The following JCAD variants were observed in gnomAD, a reference collection of about 807,000 sequenced individuals.
The protein encoded by JCAD is junctional cadherin 5 associated.
JCAD carries 40 observed loss-of-function variants against 98.0 expected under a neutral mutation model. That is an observed-to-expected ratio of 0.41 (90% confidence interval 0.32 to 0.53). JCAD has a LOEUF of 0.53. Ranked by LOEUF, JCAD falls within the 20% of genes least tolerant of loss-of-function variation. The probability of loss-of-function intolerance (pLI) is 0.31; values close to 1 mark genes in which losing one functional copy is unlikely to be tolerated. For missense variants in JCAD, 1,705 were observed against 1,738.1 expected (o/e 0.98, Z 0.34); for synonymous variants, 691 against 682.3 (o/e 1.01, Z -0.20).
rs760026339 is a variant in JCAD, at chr10:30,028,628, T to C, written c.1520A>G (p.Asp507Gly). ...GTTGGGGAGGCCACTGTTTTCCCCA[T>C]CCCCGGGGGGCTGGCCCCACAGCCA... The part of the protein sequence containing the change: ...PRWLWGQPPG[D>G]GENSGLPNQR... Residue 507 changes from aspartate to glycine, a missense_variant, in exon 3 of 4, where the codon GAT (aspartate) becomes GGT (glycine). By Grantham distance (94) the Asp-to-Gly change is moderately conservative. Transcript: ENST00000375377. 1.2e-6 allele frequency: 2 copies of C among 1,610,400 alleles called. No individual in the cohort carries two copies. The highest frequency in any genetic ancestry group is 4.5e-5 in the East Asian group (2 of 44,828).
At chr10:30,040,858 C>G (rs1837231003) in intron 2 of JCAD, among the ~76,000 whole-genome samples, 1 of 152,112 alleles carries the variant, frequency 6.6e-6, no homozygotes, top group Non-Finnish European at 1.5e-5. Flanking sequence ...TCTTTTGGAC[C>G]CCCGTCTCAC....
At position 30,026,477 on chromosome 10, in the gene JCAD, G is replaced by C; in HGVS notation, c.3671C>G (p.Pro1224Arg). ...TCTCTTTTCAGAGCCTGCCACACTT[G>C]GGGTTCTTTCTACAAAATGGAATAA... ...STLFHFVERT[P>R]SVAGSEKRLR... Residue 1224 changes from proline to arginine, a missense_variant, in exon 3 of 4, where the codon CCA becomes CGA. By Grantham distance (103) the Pro-to-Arg change is moderately radical (BLOSUM62 -2). Around this residue, in one of 3 missense-constraint regions of JCAD, gnomAD observed 1,278 missense variants for 1,243.1 expected, o/e 1.03. Coordinates refer to ENST00000375377, the MANE Select transcript of JCAD (RefSeq NM_020848.4). 1 of 1,614,172 alleles carries C rather than the reference G, an allele frequency of 6.2e-7. No individual in the cohort carries two copies. Among genetic ancestry groups the C allele is most frequent in the Non-Finnish European group, 8.5e-7 (1 of 1,180,034 alleles).
chr10:30,092,052 A>ATATATAT (rs1838280004), intron 1 of JCAD, among the ~76,000 whole-genome samples: 2 of 25,424 alleles, frequency 7.9e-5, no homozygotes, highest in African/African-American at 3.0e-4. Flanking sequence ...AAAAAAAAAA[A>ATATATAT]AAAAAAAAAA....
intron 1 of JCAD, among the ~76,000 whole-genome samples, chr10:30,100,443 G>A (rs555298836): frequency 2.0e-4 from 31 of 152,186 alleles, no homozygotes; most frequent in Admixed American, 1.9e-3. Context: ...GTGCAGTGAC[G>A]CGATCTCGGT....
chr10:30,064,932 G>A (rs11007882), intron 2 of JCAD, among the ~76,000 whole-genome samples: 4,934 of 152,196 alleles, frequency 0.032, 259 homozygotes, highest in African/African-American at 0.11. Context: ...GGCCTCCCAA[G>A]GTGCTGGGAT....
intron 1 of JCAD, among the ~76,000 whole-genome samples, chr10:30,072,024 T>C (rs1837901264): frequency 6.6e-6 from 1 of 152,184 alleles, no homozygotes; most frequent in Non-Finnish European, 1.5e-5. Flanking sequence ...TGGAACACTT[T>C]ATGGTATTTC....
chr10:30,021,162 T>C (rs543151206), intron 3 of JCAD, among the ~76,000 whole-genome samples: 70 of 152,328 alleles, frequency 4.6e-4, no homozygotes, highest in African/African-American at 1.5e-3. Context: ...CTTCAGCTCA[T>C]GGACTATCCA....
At chr10:30,047,349 A>T (rs1159577483) in intron 2 of JCAD, among the ~76,000 whole-genome samples, 183 bp downstream of exon 2, 1 of 152,270 alleles carries the variant, frequency 6.6e-6, no homozygotes, top group Non-Finnish European at 1.5e-5. Flanking sequence ...AGCCTGGACG[A>T]CAGAGCAAGA....
chr10:30,099,222 A>G (rs1246281385), intron 1 of JCAD, among the ~76,000 whole-genome samples: 1 of 152,216 alleles, frequency 6.6e-6, no homozygotes, highest in African/African-American at 2.4e-5. Context: ...ATAAGACATC[A>G]TTGCAAAAGA....
At chr10:30,113,153 G>A (rs972531845) in intron 1 of JCAD, among the ~76,000 whole-genome samples, 1 of 152,150 alleles carries the variant, frequency 6.6e-6, no homozygotes, top group African/African-American at 2.4e-5. Context: ...AGGTGGTCAT[G>A]GGGTTCTCTT....
At chr10:30,098,112 T>C (rs181812465) in intron 1 of JCAD, among the ~76,000 whole-genome samples, 284 of 152,262 alleles carry the variant, frequency 1.9e-3, no homozygotes, top group Non-Finnish European at 1.5e-3. Flanking sequence ...AATAGCACCT[T>C]GTGATGTCCT....
chr10:30,034,247 A>AATG (rs1554796474), intron 2 of JCAD, among the ~76,000 whole-genome samples: 2 of 151,196 alleles, frequency 1.3e-5, no homozygotes, highest in Non-Finnish European at 2.9e-5. Flanking sequence ...TAATAATAAT[A>AATG]ATGATAATAA....
chr10:30,032,831 G>C (rs1837030901), intron 2 of JCAD, among the ~76,000 whole-genome samples: 1 of 152,124 alleles, frequency 6.6e-6, no homozygotes, highest in African/African-American at 2.4e-5. Context: ...TTACACGGTG[G>C]TTGCTGTGTG....
chr10:30,066,010 A>G (rs1837778199), intron 2 of JCAD, among the ~76,000 whole-genome samples: 1 of 152,198 alleles, frequency 6.6e-6, no homozygotes, highest in African/African-American at 2.4e-5. Flanking sequence ...ATTCTCACAT[A>G]CAGTAAAGTG....
intron 1 of JCAD, among the ~76,000 whole-genome samples, chr10:30,086,074 T>C (rs866526410): frequency 6.6e-6 from 1 of 152,110 alleles, no homozygotes; most frequent in African/African-American, 2.4e-5. Flanking sequence ...CATTAAACTA[T>C]CACCAAAAAT....
At position 30,029,858 on chromosome 10, in the gene JCAD, T is replaced by TTACAAAACC. The variant is rs1274952637; in HGVS notation, c.282-1_289dup (p.Cys96_Asn97insArgPheCys). 2.5e-6 allele frequency: 4 copies of TTACAAAACC among 1,612,964 alleles called. No homozygotes were observed. The African/African-American group carries it at 5.3e-5, about 22-fold the overall frequency. Reference sequence around the variant, plus strand: ...AGAGGACCATGCTGAGGGGGGTTGATTACAAAACCTACAAAACAAAGAGTC... The same window carrying TTACAAAACC: ...AGAGGACCATGCTGAGGGGGGTTGATTACAAAACCTACAAAACCTACAAAACAAAGAGTC... On this transcript the variant is annotated inframe_insertion, in exon 3 of 4. Coordinates refer to ENST00000375377, the MANE Select transcript of JCAD (RefSeq NM_020848.4).
chr10:30,073,685 C>G (rs200475718), intron 1 of JCAD, among the ~76,000 whole-genome samples: 4,050 of 34,432 alleles, frequency 0.12, 173 homozygotes, highest in African/African-American at 0.23. Flanking sequence ...TTCCTTGCTT[C>G]CTTCCTTCCT....
rs985162387 is a variant in JCAD, at chr10:30,015,567, A to C, written c.*2316T>G. The C allele has an allele frequency of 5.9e-5, 9 of 152,240 alleles. No individual in the cohort carries two copies. The highest frequency in any genetic ancestry group is 4.6e-4 in the Admixed American group (7 of 15,282). The allele number at this position is 152,240 out of a possible 1,614,324, so 9.4% of individuals were successfully genotyped here. ...TGGTTTCAGAAAGATATGATACAAC[A>C]ATTTAAGATAACAAAACAGAAGCGC... On this transcript the variant is annotated 3_prime_UTR_variant, in exon 4 of 4. Coordinates refer to ENST00000375377, the MANE Select transcript of JCAD (RefSeq NM_020848.4).
At position 30,026,831 on chromosome 10, in the gene JCAD, G is replaced by T; in HGVS notation, c.3317C>A (p.Ala1106Glu). Residue 1106 changes from alanine to glutamate, a missense_variant, in exon 3 of 4, where the codon GCG (alanine) becomes GAG (glutamate). By Grantham distance (107) the Ala-to-Glu change is moderately radical. Transcript: ENST00000375377. ...GGGCTCAGCAGGCTGGTTCTGTCCC[G>T]CTCTCCGGATGCCCGGCAGGAGGGA... ...VESLLPGIRRAGQNQPAEPDA... is the reference protein window; with the variant it reads ...VESLLPGIRREGQNQPAEPDA... 6.2e-7 allele frequency: 1 copy of T among 1,613,890 alleles called. No individual in the cohort carries two copies. The highest frequency in any genetic ancestry group is 8.5e-7 in the Non-Finnish European group (1 of 1,180,024).
Sources: allele counts gnomAD v4.1 joint callset (sites outside exome capture counted in the v4.1 genomes callset), GRCh38; gene constraint gnomAD v4.1.1; regional missense constraint gnomAD v4.1.1; transcripts MANE v1.5; gene names NCBI Gene and HGNC (gene_info 2026-07-23, HGNC 2026-07-21).